MYO10: variants seen among roughly 807,000 people sequenced by gnomAD.
MYO10 encodes the protein unconventional myosin-X.
Under a neutral mutation model 257.3 loss-of-function variants are expected in MYO10, and 133 were observed. The observed-to-expected ratio is 0.52, with a 90% CI of 0.45 to 0.60. The LOEUF (loss-of-function observed/expected upper bound fraction) is 0.60, where lower values mean the gene tolerates loss of function less well. Among genes scored for constraint, MYO10 ranks in the 20% least tolerant of loss-of-function variants. The pLI is 0.00. For synonymous variants in MYO10, 1,104 were observed against 1,028.6 expected, an observed-to-expected ratio of 1.07 and a Z score of -1.40; for missense variants, 2,399 against 2,635.7, an observed-to-expected ratio of 0.91 and a Z score of 1.97.
At chr5:16,730,106 A>C (rs1425462177) in intron 19 of MYO10, among the ~76,000 whole-genome samples, 1 of 152,192 alleles carries the variant, frequency 6.6e-6, no homozygotes, top group African/African-American at 2.4e-5. Flanking sequence ...TGCTCATTGA[A>C]AAAAATGGAA....
At position 16,666,561 on chromosome 5, in the gene MYO10, C is replaced by A; in HGVS notation, c.*131G>T. ...CAAAAGGATCCTCGGAGACACCTCC[C>A]TCAGACCAGAAGCTTCCAGAAAGCC... On this transcript the variant is annotated 3_prime_UTR_variant, in exon 41 of 41. Coordinates refer to ENST00000513610, the MANE Select transcript of MYO10 (RefSeq NM_012334.3). 1 of 709,828 alleles carries A rather than the reference C, an allele frequency of 1.4e-6. No homozygotes were observed. The highest frequency in any genetic ancestry group is 1.9e-5 in the South Asian group (1 of 52,368). 44.0% of individuals were successfully genotyped at this position (709,828 alleles called of 1,614,324 possible).
chr5:16,773,789 G>A (rs780154662), intron 9 of MYO10, among the ~76,000 whole-genome samples: 4 of 149,994 alleles, frequency 2.7e-5, no homozygotes, highest in Non-Finnish European at 5.9e-5. Flanking sequence ...GGTTGTATAA[G>A]AAGATATGTA....
intron 19 of MYO10, among the ~76,000 whole-genome samples, chr5:16,739,256 C>A (rs1028836746): frequency 1.3e-5 from 2 of 150,750 alleles, no homozygotes; most frequent in African/African-American, 2.4e-5. Context: ...AAAAGTATCT[C>A]ATTTTAAACT....
intron 3 of MYO10, among the ~76,000 whole-genome samples, chr5:16,803,452 C>T (rs561764984): frequency 6.6e-6 from 1 of 152,168 alleles, no homozygotes; most frequent in Non-Finnish European, 1.5e-5. Context: ...TCAGCATACA[C>T]ACCTTCAAAT....
At chr5:16,791,399 T>C (rs1188320398) in intron 4 of MYO10, among the ~76,000 whole-genome samples, 1 of 152,212 alleles carries the variant, frequency 6.6e-6, no homozygotes, top group African/African-American at 2.4e-5. Context: ...AAAGTCTCTG[T>C]TTCCTGAATT....
chr5:16,754,760 T>G, intron 19 of MYO10, 68 bp downstream of exon 19: 2 of 1,195,816 alleles, frequency 1.7e-6, no homozygotes, highest in South Asian at 3.3e-5. Context: ...ACCAAATCTG[T>G]GAGTAACCAC....
intron 4 of MYO10, among the ~76,000 whole-genome samples, chr5:16,794,037 AGCTAAAATAGACAT>A (rs1366630066): frequency 6.6e-6 from 1 of 152,154 alleles, no homozygotes; most frequent in African/African-American, 2.4e-5. Flanking sequence ...AGTACGACTC[AGCTAAAATAGACAT>A]GCCAAGTGCC....
chr5:16,670,791 G>T lies in MYO10; in HGVS notation c.5618C>A (p.Pro1873His). Reference sequence around the variant, plus strand: ...CCGCCTCTTCTCCAGCCGTTCACAAGGGGTGAAGGTTTTGGTTGACTGGCT... The same window carrying T: ...CCGCCTCTTCTCCAGCCGTTCACAATGGGTGAAGGTTTTGGTTGACTGGCT... ...RISQSTKTFT[P>H]CERLEKRRTS... The change falls in exon 39 of 41, where the codon CCT (proline) becomes CAT (histidine). Residue 1873 changes from proline (P) to histidine (H), a missense_variant. Pro to His is a moderately conservative substitution (Grantham distance 77). Around this residue, in one of 3 missense-constraint regions of MYO10, gnomAD observed 1,820 missense variants for 1,939.4 expected, o/e 0.94. Transcript: ENST00000513610. The T allele has an allele frequency of 6.2e-7, 1 of 1,614,026 alleles. No individual in the cohort carries two copies. The highest frequency in any genetic ancestry group is 8.5e-7 in the Non-Finnish European group (1 of 1,179,908).
chr5:16,684,023 T>A, intron 29 of MYO10, 88 bp from the exon 30 acceptor site: 1 of 1,214,262 alleles, frequency 8.2e-7, no homozygotes. Context: ...CAACTCCCAA[T>A]CAGACAGAAA....
chr5:16,822,316 A>C (rs142631524), intron 2 of MYO10, among the ~76,000 whole-genome samples: 266 of 152,354 alleles, frequency 1.7e-3, no homozygotes, highest in African/African-American at 6.2e-3. Context: ...AAATTTTAGA[A>C]ATTTAGAAAA....
chr5:16,688,626 G>A (rs1295023692), intron 28 of MYO10, among the ~76,000 whole-genome samples: 1 of 151,922 alleles, frequency 6.6e-6, no homozygotes, highest in Non-Finnish European at 1.5e-5. Context: ...TGTAATCCCA[G>A]CCACTTGGGA....
intron 11 of MYO10, among the ~76,000 whole-genome samples, chr5:16,765,463 A>C (rs938416275): frequency 6.6e-5 from 10 of 152,262 alleles, no homozygotes; most frequent in Non-Finnish European, 8.8e-5. Context: ...GTAAGTTAAT[A>C]CTTAATAAAC....
At position 16,781,142 on chromosome 5, in the gene MYO10, C is replaced by T. The variant is rs184924030; in HGVS notation, c.728-401G>A. 7.3e-5 allele frequency among the ~76,000 whole-genome samples: 11 copies of T among 151,494 alleles called. No individual in the cohort carries two copies. The East Asian group carries it at 1.2e-3, about 16-fold the overall frequency. On this transcript the variant is annotated intron_variant, in intron 6 of 40. Coordinates refer to ENST00000513610, the MANE Select transcript of MYO10 (RefSeq NM_012334.3). Reference sequence around the variant, plus strand: ...TCGCCCAGGCTGGAGTGCAGTGGCACGATCTCGGCTCACTGCAACCTCTGC... The same window carrying T: ...TCGCCCAGGCTGGAGTGCAGTGGCATGATCTCGGCTCACTGCAACCTCTGC...
chr5:16,852,096 GGGAAGGAAAGAA>G (rs944459804), intron 2 of MYO10, among the ~76,000 whole-genome samples: 7 of 149,346 alleles, frequency 4.7e-5, no homozygotes, highest in Admixed American at 4.0e-4. Context: ...ACTGATCACT[GGGAAGGAAAGAA>G]GGAAGGAAGG....
At chr5:16,933,683 TGC>T (rs1230206194) in intron 1 of MYO10, among the ~76,000 whole-genome samples, 1 of 152,180 alleles carries the variant, frequency 6.6e-6, no homozygotes, top group Non-Finnish European at 1.5e-5. Flanking sequence ...AACAAAAGGA[TGC>T]TCCATTACAA....
intron 2 of MYO10, among the ~76,000 whole-genome samples, chr5:16,876,331 A>G (rs1744603302): frequency 6.6e-6 from 1 of 152,194 alleles, no homozygotes; most frequent in Non-Finnish European, 1.5e-5. Context: ...TTGGATTTAC[A>G]TATTTAATTT....
In MYO10 at chr5:16,670,828, T is replaced by C; in HGVS notation, c.5581A>G (p.Lys1861Glu). Reference protein sequence around the residue: ...LEEVYSLQRLKARISQSTKTF... With the variant: ...LEEVYSLQRLEARISQSTKTF... ...TTGGTTGACTGGCTGATGCGGGCCT[T>C]GAGTCTCTGCAGGGAATAAACCTCT... The change falls in exon 39 of 41, where the codon AAG becomes GAG. Residue 1861 changes from lysine (K) to glutamate (E), a missense_variant. This residue lies in a region of MYO10 where 1,820 missense variants were observed against 1,939.4 expected (regional missense o/e 0.94). Coordinates refer to ENST00000513610, the MANE Select transcript of MYO10 (RefSeq NM_012334.3). The C allele has an allele frequency of 6.2e-7, 1 of 1,614,010 alleles. No homozygotes were observed. The highest frequency in any genetic ancestry group is 2.2e-5 in the East Asian group (1 of 44,878).
intron 2 of MYO10, among the ~76,000 whole-genome samples, chr5:16,854,806 T>C (rs1580077615): frequency 6.6e-6 from 1 of 151,994 alleles, no homozygotes; most frequent in Non-Finnish European, 1.5e-5. Flanking sequence ...CTGAGGCAGG[T>C]AGACTCCCTG....
At chr5:16,849,932 G>C (rs1295220897) in intron 2 of MYO10, among the ~76,000 whole-genome samples, 1 of 152,184 alleles carries the variant, frequency 6.6e-6, no homozygotes, top group African/African-American at 2.4e-5. Context: ...TGTCTTTAGA[G>C]CCAGCATAAT....
Sources: gnomAD v4.1 joint callset for allele counts (sites outside exome capture counted in the v4.1 genomes callset) on GRCh38, gnomAD v4.1.1 for gene constraint, gnomAD v4.1.1 regional missense constraint, MANE v1.5 for transcripts, NCBI Gene and HGNC (gene_info 2026-07-23, HGNC 2026-07-21) for gene names.